MSH3: variants seen among roughly 807,000 people sequenced by gnomAD.
The protein encoded by MSH3 is mutS homolog 3, also known as DNA mismatch repair protein Msh3.
MSH3 carries 106 observed loss-of-function variants against 123.3 expected under a neutral mutation model. The observed-to-expected ratio is 0.86, with a 90% CI of 0.73 to 1.01. MSH3 has a LOEUF of 1.01. Ranked by LOEUF, MSH3 falls within the 50% of genes least tolerant of loss-of-function variation. The probability of loss-of-function intolerance (pLI) is 0.00; values close to 1 mark genes in which losing one functional copy is unlikely to be tolerated. For missense variants in MSH3, 1,459 were observed against 1,347.6 expected (o/e 1.08, Z -1.29); for synonymous variants, 515 against 481.4 (o/e 1.07, Z -0.91).
chr5:80,800,615 C>A (rs2112036314), intron 19 of MSH3, among the ~76,000 whole-genome samples: 1 of 152,274 alleles, frequency 6.6e-6, no homozygotes, highest in African/African-American at 2.4e-5. Context: ...ACAAGGGGGT[C>A]ATATATTCTT....
In MSH3 at chr5:80,698,381, T is replaced by C. The variant is rs6151688; in HGVS notation, c.1340+19288T>C. On this transcript the variant is annotated intron_variant, in intron 8 of 23. Coordinates refer to ENST00000265081, the MANE Select transcript of MSH3 (RefSeq NM_002439.5). ...ATACAGAAATGAGAAAGATCCCTCC[T>C]TTCCAAGTTCTTATAGTCTAGAGGG... is the stretch of plus-strand genomic sequence containing the variant. 7.9e-3 allele frequency among the ~76,000 whole-genome samples: 1,211 copies of C among 152,334 alleles called. 18 individuals carry two copies. Among genetic ancestry groups the C allele is most frequent in the African/African-American group, 0.028 (1,156 of 41,576 alleles).
chr5:80,824,475 G>A (rs568893291), intron 20 of MSH3, among the ~76,000 whole-genome samples: 95 of 152,294 alleles, frequency 6.2e-4, no homozygotes, highest in African/African-American at 2.2e-3. Flanking sequence ...ATCTTAAGTT[G>A]GACTGGGGCA....
At chr5:80,847,955 G>A (rs1745752422) in intron 20 of MSH3, among the ~76,000 whole-genome samples, 1 of 152,172 alleles carries the variant, frequency 6.6e-6, no homozygotes, top group Non-Finnish European at 1.5e-5. Flanking sequence ...TCTAGGGCAG[G>A]GCACAGTGGC....
chr5:80,842,264 AT>A (rs1456584005), intron 20 of MSH3, among the ~76,000 whole-genome samples: 3 of 151,884 alleles, frequency 2.0e-5, no homozygotes, highest in African/African-American at 7.3e-5. Context: ...ATTGGTCTAT[AT>A]ATCTGTTTTG....
intron 8 of MSH3, among the ~76,000 whole-genome samples, chr5:80,714,910 T>A (rs925226428): frequency 6.6e-6 from 1 of 152,206 alleles, no homozygotes; most frequent in Non-Finnish European, 1.5e-5. Flanking sequence ...TCCGATACTC[T>A]CTCTCTCTAG....
chr5:80,725,110 A>T (rs1743256376), intron 8 of MSH3, among the ~76,000 whole-genome samples: 1 of 149,594 alleles, frequency 6.7e-6, no homozygotes, highest in Non-Finnish European at 1.5e-5. Flanking sequence ...GCTACTCGGG[A>T]GGCTGAGGCA....
At chr5:80,867,959 C>G (rs952668582) in intron 22 of MSH3, among the ~76,000 whole-genome samples, 28 of 152,252 alleles carry the variant, frequency 1.8e-4, no homozygotes, top group African/African-American at 6.7e-4. Flanking sequence ...GCTTCTGTTG[C>G]AATTGCTTTT....
chr5:80,823,517 G>T (rs1159067327), intron 20 of MSH3, among the ~76,000 whole-genome samples: 3 of 151,992 alleles, frequency 2.0e-5, no homozygotes, highest in Non-Finnish European at 4.4e-5. Context: ...CTTCCTTTAG[G>T]AGTTGATGGC....
intron 20 of MSH3, among the ~76,000 whole-genome samples, chr5:80,833,049 T>G (rs964584): frequency 2.0e-5 from 3 of 152,080 alleles, no homozygotes; most frequent in Non-Finnish European, 4.4e-5. Flanking sequence ...GTGTTTTTTA[T>G]TTTAGAAACT....
chr5:80,698,960 CAAAT>C (rs749065212), intron 8 of MSH3, among the ~76,000 whole-genome samples: 33 of 151,808 alleles, frequency 2.2e-4, no homozygotes, highest in Non-Finnish European at 2.6e-4. Context: ...TAAAAATATA[CAAAT>C]AAATAAAAAA....
chr5:80,853,144 A>G (rs1193512976), intron 20 of MSH3, among the ~76,000 whole-genome samples: 3 of 152,172 alleles, frequency 2.0e-5, no homozygotes, highest in Non-Finnish European at 4.4e-5. Context: ...TGGTTAAATC[A>G]GTTAAAGAAA....
intron 8 of MSH3, among the ~76,000 whole-genome samples, chr5:80,691,816 T>A (rs1243235829): frequency 6.8e-6 from 1 of 147,948 alleles, no homozygotes; most frequent in Non-Finnish European, 1.5e-5. Flanking sequence ...TAAATATATA[T>A]GTATGTTTAT....
intron 12 of MSH3, among the ~76,000 whole-genome samples, chr5:80,748,613 G>T (rs1743766086): frequency 1.3e-5 from 2 of 151,470 alleles, no homozygotes; most frequent in African/African-American, 4.9e-5. Context: ...TTTAAAATTA[G>T]ATTATATCGA....
chr5:80,749,764 C>T (rs1274135997), intron 12 of MSH3, among the ~76,000 whole-genome samples: 1 of 151,978 alleles, frequency 6.6e-6, no homozygotes, highest in African/African-American at 2.4e-5. Context: ...GACACACATA[C>T]AATGCATTAA....
chr5:80,739,760 A>G (rs781321412), intron 10 of MSH3, among the ~76,000 whole-genome samples: 1 of 152,226 alleles, frequency 6.6e-6, no homozygotes, highest in East Asian at 1.9e-4. Flanking sequence ...TTACTAGGCA[A>G]CGTTCCTAAT....
At chr5:80,782,230 A>C (rs1744421563) in intron 17 of MSH3, among the ~76,000 whole-genome samples, 2 of 152,106 alleles carry the variant, frequency 1.3e-5, no homozygotes, top group South Asian at 4.1e-4. Flanking sequence ...TAATTTCTTT[A>C]CTTTGCAAAT....
chr5:80,852,297 G>T (rs1238598235), intron 20 of MSH3, among the ~76,000 whole-genome samples: 1 of 152,208 alleles, frequency 6.6e-6, no homozygotes, highest in Non-Finnish European at 1.5e-5. Flanking sequence ...CTGCACTCCA[G>T]CCTGGGTGAC....
chr5:80,670,408 A>G (rs1749678458), intron 4 of MSH3, 99 bp downstream of exon 4: 7 of 1,211,382 alleles, frequency 5.8e-6, no homozygotes, highest in African/African-American at 3.1e-5. Flanking sequence ...ATAAAAGCTG[A>G]TTTGATCAAT....
intron 17 of MSH3, among the ~76,000 whole-genome samples, chr5:80,782,189 T>G (rs1426621480): frequency 1.3e-5 from 2 of 152,138 alleles, no homozygotes; most frequent in Non-Finnish European, 2.9e-5. Context: ...GTTAACTGAT[T>G]ATTTCTGGAT....
Sources: allele counts gnomAD v4.1 joint callset (sites outside exome capture counted in the v4.1 genomes callset), GRCh38; gene constraint gnomAD v4.1.1; transcripts MANE v1.5; gene names NCBI Gene and HGNC (gene_info 2026-07-23, HGNC 2026-07-21).